Variants in TTC39A observed in about 807,000 individuals in gnomAD.
TTC39A encodes tetratricopeptide repeat protein 39A.
Under a neutral mutation model 82.3 loss-of-function variants are expected in TTC39A, and 46 were observed. The observed-to-expected ratio is 0.56, with a 90% CI of 0.44 to 0.71. The LOEUF (loss-of-function observed/expected upper bound fraction) is 0.71. Among genes scored for constraint, TTC39A ranks in the 30% least tolerant of loss-of-function variants. TTC39A has a pLI of 0.00. For synonymous variants in TTC39A, 254 were observed against 275.2 expected, an observed-to-expected ratio of 0.92 and a Z score of 0.76; for missense variants, 543 against 712.9, an observed-to-expected ratio of 0.76 and a Z score of 2.71.
At position 51,294,639 on chromosome 1, in the gene TTC39A, TTA is replaced by T; in HGVS notation, c.1146-130_1146-129del. 7.2e-7 allele frequency: 1 copy of T among 1,397,870 alleles called. No homozygotes were observed. Among genetic ancestry groups the T allele is most frequent in the Non-Finnish European group, 9.7e-7 (1 of 1,032,490 alleles). The allele number at this position is 1,397,870 out of a possible 1,614,324, so 86.6% of individuals were successfully genotyped here. A position where few individuals can be genotyped will look rare whatever the true frequency, so the allele number is the denominator to read the frequency against. ...TTTCCCCATCTGCACAATGACAGTG[TTA>T]GACTCTAAAGAGCCTTCTAGGTCTG... is the stretch of plus-strand genomic sequence containing the variant. On this transcript the variant is annotated intron_variant, in intron 13 of 17. Transcript: ENST00000680483. The surrounding 1 kb of genome is among the most constrained non-coding windows in gnomAD (Gnocchi z 4.3).
Position 51,330,297 on chromosome 1 carries a change from G to A in TTC39A, c.41+140C>T, listed in dbSNP as rs1645859488. 1.1e-6 allele frequency: 1 copy of A among 936,794 alleles called. No individual in the cohort carries two copies. Among genetic ancestry groups the A allele is most frequent in the South Asian group, 4.9e-5 (1 of 20,372 alleles). The allele number at this position is 936,794 out of a possible 1,614,324, so 58.0% of individuals were successfully genotyped here. On this transcript the variant is annotated intron_variant, in intron 1 of 17. Coordinates refer to ENST00000680483, the MANE Select transcript of TTC39A (RefSeq NM_001297663.2). This position sits in a 1 kb window ranked among gnomAD's most constrained non-coding sequence, Gnocchi z 4.5. ...TCCTGGCAGCGGCGGCGGCTGCCAG[G>A]GGCCGGGCGGGGTGGGGGCTGGAAG...
At chr1:51,327,974 G>A (rs1645773415) in intron 1 of TTC39A, among the ~76,000 whole-genome samples, 1 of 152,132 alleles carries the variant, frequency 6.6e-6, no homozygotes, top group South Asian at 2.1e-4. Flanking sequence ...TGGGATTATA[G>A]GCGTGAGCAA....
At chr1:51,308,808 T>C (rs1644972032) in intron 6 of TTC39A, among the ~76,000 whole-genome samples, 1 of 152,268 alleles carries the variant, frequency 6.6e-6, no homozygotes, top group Non-Finnish European at 1.5e-5. Context: ...TGTGTGTGCG[T>C]GCATGTGTGC....
intron 1 of TTC39A, among the ~76,000 whole-genome samples, chr1:51,340,642 C>T (rs1355755615): frequency 5.9e-5 from 9 of 152,206 alleles, no homozygotes; most frequent in Non-Finnish European, 2.9e-5. Flanking sequence ...AGAGTAGTCT[C>T]CTGAGCTTTT....
chr1:51,325,532 G>A (rs1645682220), intron 1 of TTC39A, among the ~76,000 whole-genome samples: 1 of 152,160 alleles, frequency 6.6e-6, no homozygotes, highest in Middle Eastern at 3.2e-3. Flanking sequence ...CTCTCTGACT[G>A]CTCTCAAAAT....
At chr1:51,314,126 T>C (rs2148240386) in intron 2 of TTC39A, among the ~76,000 whole-genome samples, 1 of 152,298 alleles carries the variant, frequency 6.6e-6, no homozygotes, top group East Asian at 1.9e-4. Flanking sequence ...GGCTCCCTGC[T>C]CCTTCACCGA....
intron 1 of TTC39A, among the ~76,000 whole-genome samples, chr1:51,339,793 T>C (rs1646013350): frequency 6.6e-6 from 1 of 152,184 alleles, no homozygotes; most frequent in South Asian, 2.1e-4. Flanking sequence ...AGAGATGTTA[T>C]AGCCTGGCCT....
At position 51,288,763 on chromosome 1, in the gene TTC39A, G is replaced by A; in HGVS notation, c.1610+76C>T. ...AGCAACTCCACTCACTGCTCTCTGGGCAACTCTGTCCCCAGCCAGCTCCTG... is the reference window on the plus strand; with the variant it reads ...AGCAACTCCACTCACTGCTCTCTGGACAACTCTGTCCCCAGCCAGCTCCTG... On this transcript the variant is annotated intron_variant, in intron 17 of 17. Coordinates refer to ENST00000680483, the MANE Select transcript of TTC39A (RefSeq NM_001297663.2). The surrounding 1 kb of genome is among the most constrained non-coding windows in gnomAD (Gnocchi z 4.8). 2 of 1,401,246 alleles carry A rather than the reference G, an allele frequency of 1.4e-6. No individual in the cohort carries two copies. The highest frequency in any genetic ancestry group is 1.3e-5 in the South Asian group (1 of 79,192). 86.8% of individuals were successfully genotyped at this position (1,401,246 alleles called of 1,614,324 possible). A position where few individuals can be genotyped will look rare whatever the true frequency, so the allele number is the denominator to read the frequency against.
upstream of TTC39A, chr1:51,330,694 G>T: frequency 2.2e-6 from 2 of 912,986 alleles, no homozygotes; most frequent in Non-Finnish European, 2.6e-6. This position sits in a 1 kb window ranked among gnomAD's most constrained non-coding sequence, Gnocchi z 4.5. Flanking sequence ...CTCCCGCACC[G>T]CCGGGGGTTC....
chr1:51,311,103 G>A, intron 5 of TTC39A, 151 bp downstream of exon 5: 1 of 706,206 alleles, frequency 1.4e-6, no homozygotes. Context: ...CCAGGGGCAG[G>A]AGTGTGAAGG....
At chr1:51,292,869 A>G (rs971105926) in intron 14 of TTC39A, among the ~76,000 whole-genome samples, 1 of 152,252 alleles carries the variant, frequency 6.6e-6, no homozygotes, top group African/African-American at 2.4e-5. Flanking sequence ...TAAAGACTCC[A>G]AGAAAGCCTA....
upstream of TTC39A, among the ~76,000 whole-genome samples, chr1:51,336,037 C>A (rs368353790): frequency 6.6e-6 from 1 of 151,694 alleles, no homozygotes; most frequent in African/African-American, 2.4e-5. Context: ...CCCTCCCCAA[C>A]ACCTGCAGTC....
rs1557736341 is a variant in TTC39A, at chr1:51,321,122, C to T, written c.146+599G>A. ...CTTCTGACCTCAAGTGATCCACCCG[C>T]CTTGGCCTCCCAAAGTGCTGGGATT... On this transcript the variant is annotated intron_variant, in intron 2 of 17. Coordinates refer to ENST00000680483, the MANE Select transcript of TTC39A (RefSeq NM_001297663.2). This position sits in a 1 kb window ranked among gnomAD's most constrained non-coding sequence, Gnocchi z 4.6. 1.3e-5 allele frequency among the ~76,000 whole-genome samples: 2 copies of T among 152,120 alleles called. No homozygotes were observed. The highest frequency in any genetic ancestry group is 2.9e-5 in the Non-Finnish European group (2 of 68,018).
intron 12 of TTC39A, 66 bp from the exon 13 acceptor site, chr1:51,296,236 T>C (rs1644419162): frequency 2.0e-6 from 3 of 1,484,632 alleles, no homozygotes; most frequent in Non-Finnish European, 1.8e-6. Flanking sequence ...GGCTGGAATC[T>C]GCAGACGGAC....
upstream of TTC39A, chr1:51,330,581 G>C: frequency 2.0e-6 from 2 of 983,024 alleles, no homozygotes; most frequent in South Asian, 4.6e-5. This position sits in a 1 kb window ranked among gnomAD's most constrained non-coding sequence, Gnocchi z 4.5. Flanking sequence ...GGACGCGGCG[G>C]CCGGGGAGGG....
At chr1:51,330,892 C>G, upstream of TTC39A, 1 of 592,630 alleles carries the variant, frequency 1.7e-6, no homozygotes, top group Non-Finnish European at 3.0e-6. This position sits in a 1 kb window ranked among gnomAD's most constrained non-coding sequence, Gnocchi z 4.5. Flanking sequence ...GAAGCGGCCC[C>G]CACCTGAGCC....
intron 2 of TTC39A, among the ~76,000 whole-genome samples, chr1:51,319,960 G>A (rs1645434141): frequency 6.6e-6 from 1 of 152,116 alleles, no homozygotes; most frequent in Admixed American, 6.6e-5. Flanking sequence ...AAAGTGCTGG[G>A]ATTACAGGCA....
chr1:51,320,174 C>T (rs912511626), intron 2 of TTC39A, among the ~76,000 whole-genome samples: 2 of 152,018 alleles, frequency 1.3e-5, no homozygotes, highest in African/African-American at 4.8e-5. Flanking sequence ...TGAGTGCTTA[C>T]TTGATAGGTT....
chr1:51,340,441 A>G (rs1646020777), intron 1 of TTC39A, among the ~76,000 whole-genome samples: 1 of 152,132 alleles, frequency 6.6e-6, no homozygotes, highest in African/African-American at 2.4e-5. Context: ...AATATATCGT[A>G]ATTTGGGTAT....
Sources: gnomAD v4.1 joint callset for allele counts (sites outside exome capture counted in the v4.1 genomes callset) on GRCh38, gnomAD v4.1.1 for gene constraint, Gnocchi (gnomAD v3.1) non-coding constraint, MANE v1.5 for transcripts, NCBI Gene and HGNC (gene_info 2026-07-23, HGNC 2026-07-21) for gene names.